The following TANC1 variants were observed in gnomAD, a reference collection of about 807,000 sequenced individuals.
TANC1 encodes protein TANC1.
A neutral mutation model predicts 149.7 loss-of-function variants in TANC1; 77 were observed. The ratio of observed to expected loss-of-function variants is 0.51; its 90% CI spans 0.43 to 0.62. TANC1 has a LOEUF of 0.62. Among genes scored for constraint, TANC1 ranks in the 20% least tolerant of loss-of-function variants. TANC1 has a pLI of 0.00. For missense variants in TANC1, 1,985 were observed against 2,321.8 expected (o/e 0.85, Z 2.98); for synonymous variants, 854 against 925.0 (o/e 0.92, Z 1.39).
chr2:159,124,420 AATAAG>A (rs1389138500), intron 4 of TANC1, among the ~76,000 whole-genome samples: 2 of 152,152 alleles, frequency 1.3e-5, no homozygotes, highest in African/African-American at 4.8e-5. Context: ...TTGCATGTCT[AATAAG>A]TTCGCAGGTG....
chr2:159,046,423 A>G (rs1157095005), intron 2 of TANC1, among the ~76,000 whole-genome samples: 1 of 152,082 alleles, frequency 6.6e-6, no homozygotes, highest in Non-Finnish European at 1.5e-5. Context: ...CTTCGCCTCA[A>G]TAGAAACTGC....
chr2:159,034,886 A>C (rs1296099095), intron 2 of TANC1, among the ~76,000 whole-genome samples: 2 of 152,230 alleles, frequency 1.3e-5, no homozygotes, highest in African/African-American at 4.8e-5. Flanking sequence ...GCTTTGCCTG[A>C]GTGGTCTTTG....
intron 2 of TANC1, among the ~76,000 whole-genome samples, chr2:159,023,837 A>G (rs1442653898): frequency 6.6e-6 from 1 of 152,058 alleles, no homozygotes; most frequent in Non-Finnish European, 1.5e-5. Flanking sequence ...GTATTATGGC[A>G]CATGCCTGTA....
intron 8 of TANC1, among the ~76,000 whole-genome samples, chr2:159,164,212 T>C (rs2054347030): frequency 6.6e-6 from 1 of 152,186 alleles, no homozygotes; most frequent in Non-Finnish European, 1.5e-5. Context: ...CCTGTATCTA[T>C]AGTTCTACAT....
chr2:159,031,187 G>A (rs938868244), intron 2 of TANC1, among the ~76,000 whole-genome samples: 1 of 152,192 alleles, frequency 6.6e-6, no homozygotes, highest in Non-Finnish European at 1.5e-5. Flanking sequence ...CAAGGTCAGG[G>A]CCTGCCTGTT....
chr2:159,113,500 G>A (rs556140175), intron 4 of TANC1, among the ~76,000 whole-genome samples: 115 of 152,236 alleles, frequency 7.6e-4, no homozygotes, highest in Non-Finnish European at 1.5e-3. Context: ...TGGAAGGAAT[G>A]TAAAGTGCCT....
At chr2:159,049,038 G>A (rs970372977) in intron 2 of TANC1, among the ~76,000 whole-genome samples, 3 of 152,128 alleles carry the variant, frequency 2.0e-5, no homozygotes, top group African/African-American at 7.2e-5. Context: ...TTCCTCATAG[G>A]TCCCTCCTTT....
At chr2:159,226,758 G>A (rs1466106111) in intron 24 of TANC1, 1 of 152,182 alleles carries the variant, frequency 6.6e-6, no homozygotes, top group Admixed American at 6.5e-5. Context: ...AATGTTTTAG[G>A]CTTTGCAGAC....
intron 11 of TANC1, among the ~76,000 whole-genome samples, chr2:159,173,739 A>G (rs1005102282): frequency 9.2e-5 from 14 of 152,252 alleles, no homozygotes; most frequent in Non-Finnish European, 4.4e-5. Flanking sequence ...GGATCCTCAC[A>G]TGTATCCCTG....
intron 2 of TANC1, among the ~76,000 whole-genome samples, chr2:159,065,275 C>T (rs1467518727): frequency 2.0e-5 from 3 of 152,150 alleles, no homozygotes; most frequent in Non-Finnish European, 4.4e-5. Context: ...TACTTACTTC[C>T]CTTCCCCACC....
chr2:159,224,390 C>T (rs761090897), intron 23 of TANC1, 26 bp downstream of exon 23: 2 of 1,613,784 alleles, frequency 1.2e-6, no homozygotes, highest in Non-Finnish European at 1.7e-6. Flanking sequence ...CTCCATTGAG[C>T]AGGAGGAGCG....
intron 19 of TANC1, among the ~76,000 whole-genome samples, chr2:159,201,439 C>T (rs1000883296): frequency 6.6e-6 from 1 of 152,192 alleles, no homozygotes; most frequent in Non-Finnish European, 1.5e-5. Flanking sequence ...AGCTCACAGT[C>T]CTGGTTCTCA....
intron 8 of TANC1, among the ~76,000 whole-genome samples, chr2:159,164,211 A>G (rs559974123): frequency 6.6e-5 from 10 of 152,338 alleles, no homozygotes; most frequent in African/African-American, 1.2e-4. Context: ...CCCTGTATCT[A>G]TAGTTCTACA....
At chr2:158,990,059 GC>G (rs1303297138) in intron 1 of TANC1, among the ~76,000 whole-genome samples, 1 of 152,054 alleles carries the variant, frequency 6.6e-6, no homozygotes, top group African/African-American at 2.4e-5. Context: ...GGGGTTACAG[GC>G]CCCTGCCACC....
chr2:159,219,452 A>C (rs550761673), intron 21 of TANC1, 91 bp downstream of exon 21: 2 of 1,562,596 alleles, frequency 1.3e-6, no homozygotes, highest in East Asian at 2.3e-5. Context: ...TCAAATTCTA[A>C]GTTTTCTGTT....
chr2:159,143,955 A>T (rs1042072032), intron 5 of TANC1, among the ~76,000 whole-genome samples: 5 of 151,754 alleles, frequency 3.3e-5, no homozygotes, highest in Middle Eastern at 3.2e-3. Flanking sequence ...TACAGTTTAA[A>T]AATTCTTAGT....
chr2:159,164,992 C>A (rs2054436482), intron 8 of TANC1, among the ~76,000 whole-genome samples: 1 of 152,144 alleles, frequency 6.6e-6, no homozygotes, highest in Non-Finnish European at 1.5e-5. Context: ...TATGTGGCAC[C>A]CAAGGCGCTT....
chr2:159,033,466 G>A (rs967976715), intron 2 of TANC1, among the ~76,000 whole-genome samples: 16 of 152,294 alleles, frequency 1.1e-4, no homozygotes, highest in Middle Eastern at 3.4e-3. Flanking sequence ...CATGGGCTGC[G>A]GGAGAGGGGA....
intron 2 of TANC1, chr2:159,060,089 A>G (rs1559184116): frequency 3.1e-6 from 3 of 976,302 alleles, no homozygotes; most frequent in African/African-American, 1.8e-5. Context: ...AAGGTGTTAT[A>G]CAGAAGGCAT....
Sources: allele counts gnomAD v4.1 joint callset (sites outside exome capture counted in the v4.1 genomes callset), GRCh38; gene constraint gnomAD v4.1.1; transcripts MANE v1.5; gene names NCBI Gene and HGNC (gene_info 2026-07-23, HGNC 2026-07-21).